The following USP33 variants were observed in gnomAD, a reference collection of about 807,000 sequenced individuals.
The protein encoded by USP33 is ubiquitin carboxyl-terminal hydrolase 33.
USP33 carries 46 observed loss-of-function variants against 124.2 expected under a neutral mutation model. The observed-to-expected ratio is 0.37, with a 90% CI of 0.29 to 0.47. The LOEUF (loss-of-function observed/expected upper bound fraction) is 0.47. USP33 is among the 20% of genes least tolerant of loss of function. The pLI is 0.99. For missense variants in USP33, 851 were observed against 1,070.6 expected (o/e 0.79, Z 2.86); for synonymous variants, 350 against 352.3 (o/e 0.99, Z 0.07).
At chr1:77,716,356 T>G (rs1675900661) in intron 17 of USP33, among the ~76,000 whole-genome samples, 1 of 152,146 alleles carries the variant, frequency 6.6e-6, no homozygotes, top group Admixed American at 6.5e-5. Flanking sequence ...CATTAACACC[T>G]GCGGGGGTCT....
At chr1:77,721,466 A>G in intron 14 of USP33, 1 of 556,318 alleles carries the variant, frequency 1.8e-6, no homozygotes, top group Non-Finnish European at 3.2e-6. Context: ...CATATGTCCA[A>G]GCAAGGTGCT....
intron 12 of USP33, among the ~76,000 whole-genome samples, chr1:77,722,895 G>A (rs868472489): frequency 6.6e-6 from 1 of 152,108 alleles, no homozygotes; most frequent in Admixed American, 6.6e-5. Flanking sequence ...ACTACCTTTA[G>A]TATCTGAGTC....
intron 10 of USP33, 119 bp from the exon 11 acceptor site, chr1:77,725,881 TTAAA>T: frequency 2.0e-6 from 2 of 984,770 alleles, no homozygotes; most frequent in Non-Finnish European, 2.9e-6. Context: ...AAATGTCAAG[TTAAA>T]TACTTAACAA....
At chr1:77,749,513 C>CT (rs1241106341) in intron 1 of USP33, among the ~76,000 whole-genome samples, 1 of 152,052 alleles carries the variant, frequency 6.6e-6, no homozygotes, top group Non-Finnish European at 1.5e-5. Context: ...TCCCAAATAG[C>CT]TGGGACTACA....
At chr1:77,744,253 CAAT>C (rs1325916749) in intron 1 of USP33, among the ~76,000 whole-genome samples, 3 of 151,934 alleles carry the variant, frequency 2.0e-5, no homozygotes, top group African/African-American at 7.3e-5. Context: ...GTAAAAATCA[CAAT>C]AACTGGCATC....
At position 77,696,033 on chromosome 1, in the gene USP33, G is replaced by T. The variant is rs1673420869; in HGVS notation, c.*1284C>A. 6.6e-6 allele frequency: 1 copy of T among 152,020 alleles called. No individual in the cohort carries two copies. Among genetic ancestry groups the T allele is most frequent in the African/African-American group, 2.4e-5 (1 of 41,386 alleles). The allele number at this position is 152,020 out of a possible 1,614,324, so 9.4% of individuals were successfully genotyped here. On this transcript the variant is annotated 3_prime_UTR_variant, in exon 24 of 24. Coordinates refer to ENST00000370794, the MANE Select transcript of USP33 (RefSeq NM_201624.3). ...TTATTGAGCTAATTTTAACAACATT[G>T]CTTTAGCTGGTGACAGCTGCCCCAA... is the stretch of plus-strand genomic sequence containing the variant.
chr1:77,754,749 C>T (rs1283899758), intron 1 of USP33, among the ~76,000 whole-genome samples: 1 of 152,160 alleles, frequency 6.6e-6, no homozygotes, highest in African/African-American at 2.4e-5. Flanking sequence ...TAATGAGAGC[C>T]TTAAGGCTAT....
intron 12 of USP33, among the ~76,000 whole-genome samples, 158 bp downstream of exon 12, chr1:77,723,173 T>G (rs1311762999): frequency 1.3e-5 from 2 of 151,974 alleles, no homozygotes; most frequent in African/African-American, 4.8e-5. Flanking sequence ...AAAAAAATTC[T>G]ACACCTAGAA....
At chr1:77,718,089 AAACAAAAAGCATTAT>A in intron 16 of USP33, 42 bp from the exon 17 acceptor site, 1 of 1,518,010 alleles carries the variant, frequency 6.6e-7, no homozygotes, top group Non-Finnish European at 8.9e-7. Flanking sequence ...TCAATACAGA[AAACAAAAAGCATTAT>A]AACAGGTAAA....
rs1181224510 is a variant in USP33, at chr1:77,697,897, T to C, written c.2544A>G (p.Ala848=). ...PPGPIDNTKI[A]VTKCGNVMLR... ...GCATCACATTACCACATTTAGTGAC[T>C]GCAATCTTAGTATTGTCAATAGGAC... Residue 848 remains alanine (A), a synonymous_variant, in exon 23 of 24, where the codon GCA becomes GCG. Transcript: ENST00000370794. 1.9e-6 allele frequency: 3 copies of C among 1,611,054 alleles called. No homozygotes were observed. The Admixed American group carries it at 5.1e-5, about 27-fold the overall frequency.
intron 1 of USP33, among the ~76,000 whole-genome samples, chr1:77,747,749 A>T (rs6603960): frequency 0.42 from 63,991 of 151,982 alleles, 15,744 homozygotes; most frequent in African/African-American, 0.68. Context: ...CTGGAGAATA[A>T]CCTTAAGTAT....
In USP33 at chr1:77,713,293, T is replaced by A. The variant is rs764854379; in HGVS notation, c.2216-12A>T. ...TCTTGGAGGAACACCTAAAAAAATA[T>A]ATAAACATATCTGTTTCATGCTTTT... is the stretch of plus-strand genomic sequence containing the variant. On this transcript the variant is annotated splice_polypyrimidine_tract_variant and intron_variant, in intron 19 of 23. Coordinates refer to ENST00000370794, the MANE Select transcript of USP33 (RefSeq NM_201624.3). The A allele has an allele frequency of 2.7e-5, 42 of 1,561,770 alleles. No homozygotes were observed. The highest frequency in any genetic ancestry group is 3.4e-4 in the Middle Eastern group (2 of 5,910).
At chr1:77,758,764 C>G (rs1038688697) in intron 1 of USP33, among the ~76,000 whole-genome samples, 1 of 152,112 alleles carries the variant, frequency 6.6e-6, no homozygotes, top group Non-Finnish European at 1.5e-5. Flanking sequence ...GAAAAATAAT[C>G]TGATTAAACT....
At chr1:77,744,909 G>A (rs1238291497) in intron 1 of USP33, among the ~76,000 whole-genome samples, 7 of 152,342 alleles carry the variant, frequency 4.6e-5, no homozygotes, top group African/African-American at 1.7e-4. Context: ...TGTTGATATG[G>A]TGTGGAAAGT....
intron 4 of USP33, among the ~76,000 whole-genome samples, chr1:77,740,473 C>A (rs1435060228): frequency 6.6e-6 from 1 of 152,046 alleles, no homozygotes; most frequent in Non-Finnish European, 1.5e-5. Flanking sequence ...CCTGCCTCAG[C>A]CTCCCGAGTA....
In USP33 at chr1:77,759,845, G is replaced by C. The variant is rs1034019388; in HGVS notation, c.-254C>G. On this transcript the variant is annotated 5_prime_UTR_variant, in exon 1 of 24. Coordinates refer to ENST00000370794, the MANE Select transcript of USP33 (RefSeq NM_201624.3). ...CCCGCAGCAGCCGCGGCTCCTTCCG[G>C]TGTCTCCGGGGCCGCCGCAGGCGTC... is the stretch of plus-strand genomic sequence containing the variant. The C allele has an allele frequency of 2.5e-6, 1 of 396,162 alleles. No individual in the cohort carries two copies. 24.5% of individuals were successfully genotyped at this position (396,162 alleles called of 1,614,324 possible). A position where few individuals can be genotyped will look rare whatever the true frequency, so the allele number is the denominator to read the frequency against.
chr1:77,716,086 T>A (rs963540421), intron 17 of USP33, among the ~76,000 whole-genome samples: 2 of 152,176 alleles, frequency 1.3e-5, no homozygotes, highest in Non-Finnish European at 2.9e-5. Context: ...ATAGACACAG[T>A]CTTGCTCTGT....
In USP33 at chr1:77,722,191, A is replaced by T. The variant is rs758578618; in HGVS notation, c.1395T>A (p.Ser465=). Residue 465 remains serine (S), a synonymous_variant, in exon 13 of 24, where the codon TCT becomes TCA. Transcript: ENST00000370794. ...SVQCLTCDRV[S]VTLETFQDLS... ...GATCTTGAAAGGTCTCGAGGGTTAC[A>T]GACACCTAAAATTGTTTTGTGTTTT... is the stretch of plus-strand genomic sequence containing the variant. 7 of 1,608,254 alleles carry T rather than the reference A, an allele frequency of 4.4e-6. No individual in the cohort carries two copies. In the South Asian group the frequency reaches 6.7e-5, roughly 15 times the overall value.
chr1:77,744,713 C>G (rs1421375478), intron 1 of USP33, among the ~76,000 whole-genome samples: 1 of 152,020 alleles, frequency 6.6e-6, no homozygotes, highest in Non-Finnish European at 1.5e-5. Flanking sequence ...GGCATGGTGG[C>G]ACGTGCCTAT....
Sources: gnomAD v4.1 joint callset for allele counts (sites outside exome capture counted in the v4.1 genomes callset) on GRCh38, gnomAD v4.1.1 for gene constraint, MANE v1.5 for transcripts, NCBI Gene and HGNC (gene_info 2026-07-23, HGNC 2026-07-21) for gene names.